The following GDPD1 variants were observed in gnomAD, a reference collection of about 807,000 sequenced individuals.
GDPD1 encodes glycerophosphodiester phosphodiesterase domain containing 1.
In GDPD1, 28 loss-of-function variants were observed where a neutral mutation model predicts 45.1. The ratio of observed to expected loss-of-function variants is 0.62; its 90% CI spans 0.46 to 0.85. GDPD1 has a LOEUF of 0.85. Among genes scored for constraint, GDPD1 ranks in the 40% least tolerant of loss-of-function variants. The pLI, the probability that GDPD1 is intolerant of heterozygous loss-of-function variation, is 0.00. For synonymous variants in GDPD1, 139 were observed against 131.4 expected (o/e 1.06, Z -0.40); for missense variants, 256 against 364.8 (o/e 0.70, Z 2.43).
chr17:59,242,580 T>A (rs1482114364), intron 2 of GDPD1, among the ~76,000 whole-genome samples: 2 of 152,206 alleles, frequency 1.3e-5, no homozygotes, highest in Non-Finnish European at 2.9e-5. Context: ...AAACTTTTTT[T>A]ACATAAACTT....
intron 4 of GDPD1, among the ~76,000 whole-genome samples, chr17:59,253,964 T>C (rs569256976): frequency 6.7e-6 from 1 of 150,234 alleles, no homozygotes; most frequent in South Asian, 2.1e-4. Flanking sequence ...ATAATGCCTA[T>C]AATCCCAGCA....
chr17:59,239,512 TA>T (rs1361816971), intron 2 of GDPD1, among the ~76,000 whole-genome samples: 16 of 152,062 alleles, frequency 1.1e-4, no homozygotes, highest in Non-Finnish European at 1.6e-4. Flanking sequence ...GCAAAAGTGA[TA>T]AAAAAATTTT....
chr17:59,261,303 G>A (rs1218417789), intron 6 of GDPD1, among the ~76,000 whole-genome samples: 1 of 152,090 alleles, frequency 6.6e-6, no homozygotes, highest in Non-Finnish European at 1.5e-5. Flanking sequence ...GGGGCTGAGA[G>A]ATCCCAAGGT....
intron 2 of GDPD1, among the ~76,000 whole-genome samples, chr17:59,239,004 G>A (rs1345365640): frequency 6.6e-6 from 1 of 152,134 alleles, no homozygotes; most frequent in Admixed American, 6.5e-5. Flanking sequence ...ATAAAACTAG[G>A]TTATTAAACC....
At chr17:59,259,126 A>G (rs7215031) in intron 6 of GDPD1, among the ~76,000 whole-genome samples, 1 of 149,502 alleles carries the variant, frequency 6.7e-6, no homozygotes, top group Non-Finnish European at 1.5e-5. Flanking sequence ...TAAGACTTCT[A>G]ACTCTATTAA....
At chr17:59,251,544 GA>G (rs929784645) in intron 4 of GDPD1, among the ~76,000 whole-genome samples, 5 of 149,202 alleles carry the variant, frequency 3.4e-5, no homozygotes, top group Admixed American at 2.0e-4. Flanking sequence ...CAATGCTGTG[GA>G]AAAAAAAAAG....
chr17:59,261,912 G>GTTTTTTTTT (rs1568349072), intron 6 of GDPD1, among the ~76,000 whole-genome samples: 4 of 98,950 alleles, frequency 4.0e-5, no homozygotes, highest in East Asian at 2.8e-4. Context: ...GAGATTACAG[G>GTTTTTTTTT]CTTTTTTTTT....
At chr17:59,228,566 T>C (rs2047065125) in intron 1 of GDPD1, among the ~76,000 whole-genome samples, 1 of 152,082 alleles carries the variant, frequency 6.6e-6, no homozygotes, top group Non-Finnish European at 1.5e-5. Context: ...CTTTGACAAA[T>C]AAGTGGATAT....
intron 2 of GDPD1, among the ~76,000 whole-genome samples, chr17:59,240,144 T>G (rs570882260): frequency 1.3e-5 from 2 of 151,934 alleles, no homozygotes; most frequent in East Asian, 3.9e-4. Flanking sequence ...ATACAAAAAT[T>G]AGTTGGCGTG....
chr17:59,257,238 A>G lies in GDPD1; in HGVS notation c.484A>G (p.Lys162Glu). 1 of 1,506,174 alleles carries G rather than the reference A, an allele frequency of 6.6e-7. No individual in the cohort carries two copies. The highest frequency in any genetic ancestry group is 1.2e-5 in the South Asian group (1 of 83,402). 93.3% of individuals were successfully genotyped at this position (1,506,174 alleles called of 1,614,324 possible). Residue 162 changes from lysine to glutamate, a missense_variant and splice_region_variant, in exon 5 of 10, where the codon AAG (lysine) becomes GAG (glutamate). By Grantham distance (56) the Lys-to-Glu change is moderately conservative. Coordinates refer to ENST00000284116, the MANE Select transcript of GDPD1 (RefSeq NM_182569.4). ...AGTCAACAACAATGTGCTGATTAAG[A>G]AGGTACTCAAGGCATTGCCTCCTCT... ...IKVNNNVLIK[K>E]VSELVKRYNR...
intron 1 of GDPD1, among the ~76,000 whole-genome samples, chr17:59,232,289 A>G (rs2047096980): frequency 6.6e-6 from 1 of 152,076 alleles, no homozygotes; most frequent in South Asian, 2.1e-4. Context: ...CATCTCTACT[A>G]AAAATAAAAA....
At chr17:59,241,906 CAACAAGAGCAA>C (rs920815955) in intron 2 of GDPD1, among the ~76,000 whole-genome samples, 1 of 151,772 alleles carries the variant, frequency 6.6e-6, no homozygotes, top group African/African-American at 2.4e-5. Context: ...TTAGCCTGGG[CAACAAGAGCAA>C]AACTCCGTCT....
chr17:59,259,595 A>G (rs1475832651), intron 6 of GDPD1, among the ~76,000 whole-genome samples: 1 of 143,372 alleles, frequency 7.0e-6, no homozygotes, highest in African/African-American at 2.7e-5. Context: ...AAAAAAATAC[A>G]AAAAATAGCC....
chr17:59,228,170 T>TAAACA (rs1555721086), intron 1 of GDPD1, among the ~76,000 whole-genome samples: 1 of 91,674 alleles, frequency 1.1e-5, no homozygotes, highest in East Asian at 3.2e-4. Context: ...AGACTCCATC[T>TAAACA]AAAAAAAAAA....
At chr17:59,255,720 G>A (rs537779587) in intron 4 of GDPD1, among the ~76,000 whole-genome samples, 25 of 110,184 alleles carry the variant, frequency 2.3e-4, no homozygotes, top group African/African-American at 8.4e-4. Flanking sequence ...TCCAGCCTGG[G>A]CAACAAGAAC....
chr17:59,246,632 C>T (rs2147887372), intron 3 of GDPD1, among the ~76,000 whole-genome samples: 1 of 133,082 alleles, frequency 7.5e-6, no homozygotes, highest in Non-Finnish European at 1.5e-5. Context: ...TCGCTTGAAC[C>T]CAGGAGGCGT....
At chr17:59,260,342 A>T (rs2047345937) in intron 6 of GDPD1, among the ~76,000 whole-genome samples, 1 of 151,728 alleles carries the variant, frequency 6.6e-6, no homozygotes, top group Non-Finnish European at 1.5e-5. Context: ...AGGAGTCTGA[A>T]GCCAGTCTGG....
intron 1 of GDPD1, 55 bp from the exon 2 acceptor site, chr17:59,234,437 A>G (rs1313544214): frequency 2.7e-6 from 3 of 1,108,208 alleles, no homozygotes; most frequent in Non-Finnish European, 4.1e-6. Context: ...ATTAAAATTA[A>G]CTTCAGGAAA....
chr17:59,238,278 A>G (rs2047149390), intron 2 of GDPD1, among the ~76,000 whole-genome samples: 1 of 151,660 alleles, frequency 6.6e-6, no homozygotes, highest in Non-Finnish European at 1.5e-5. Flanking sequence ...CAAAAAAAAA[A>G]AAAAAAAAGA....
Sources: allele counts gnomAD v4.1 joint callset (sites outside exome capture counted in the v4.1 genomes callset), GRCh38; gene constraint gnomAD v4.1.1; transcripts MANE v1.5; gene names NCBI Gene and HGNC (gene_info 2026-07-23, HGNC 2026-07-21).